Variants in TBPL2 observed in about 807,000 individuals in gnomAD.
TBPL2 encodes TATA box-binding protein-like 2.
TBPL2 carries 40 observed loss-of-function variants against 38.2 expected under a neutral mutation model. That is an observed-to-expected ratio of 1.05 (90% confidence interval 0.81 to 1.36). The LOEUF is 1.36. Ranked by LOEUF, TBPL2 falls within the 40% of genes most tolerant of loss-of-function variation. The pLI, the probability that TBPL2 is intolerant of heterozygous loss-of-function variation, is 0.00. For missense variants in TBPL2, 461 were observed against 456.7 expected (o/e 1.01, Z -0.09); for synonymous variants, 169 against 171.7 (o/e 0.98, Z 0.12).
intron 6 of TBPL2, among the ~76,000 whole-genome samples, chr14:55,415,736 G>C (rs1210327222): frequency 6.6e-6 from 1 of 152,040 alleles, no homozygotes; most frequent in Non-Finnish European, 1.5e-5. Flanking sequence ...CGTGGCGGTG[G>C]GCGTCTGTCA....
chr14:55,437,151 A>G (rs1021980426), intron 1 of TBPL2, 133 bp from the exon 2 acceptor site: 1 of 746,646 alleles, frequency 1.3e-6, no homozygotes, highest in East Asian at 2.5e-5. Context: ...GCTTGTATTC[A>G]TGCACTGCTT....
exon 5 of TBPL2, chr14:55,428,850 T>C (rs1330919644): frequency 6.2e-7 from 1 of 1,614,194 alleles, no homozygotes; most frequent in South Asian, 1.1e-5. Flanking sequence ...TCCAGCCTGA[T>C]GGGAAATCTC....
At chr14:55,434,166 G>A (rs937751069) in intron 3 of TBPL2, among the ~76,000 whole-genome samples, 2 of 152,154 alleles carry the variant, frequency 1.3e-5, no homozygotes, top group African/African-American at 4.8e-5. Context: ...GTATGTTAAA[G>A]GCTCACCAAG....
chr14:55,432,388 G>C (rs1376063215), intron 4 of TBPL2, among the ~76,000 whole-genome samples: 2 of 150,856 alleles, frequency 1.3e-5, no homozygotes, highest in African/African-American at 4.9e-5. Context: ...ACTCCATCCT[G>C]GATAACACAG....
chr14:55,419,912 T>C (rs948164858), intron 6 of TBPL2, among the ~76,000 whole-genome samples: 3 of 152,240 alleles, frequency 2.0e-5, no homozygotes, highest in Admixed American at 6.5e-5. Context: ...ATTGAGATAC[T>C]GCTTTCAGAA....
chr14:55,420,304 C>T (rs1885723535), intron 6 of TBPL2, among the ~76,000 whole-genome samples: 1 of 152,174 alleles, frequency 6.6e-6, no homozygotes, highest in African/African-American at 2.4e-5. Context: ...CTCAGCCTCC[C>T]AAAGTGCTGG....
At chr14:55,433,407 C>T (rs1326830862) in intron 4 of TBPL2, among the ~76,000 whole-genome samples, 1 of 150,656 alleles carries the variant, frequency 6.6e-6, no homozygotes, top group Non-Finnish European at 1.5e-5. Flanking sequence ...CCTGCTTAGG[C>T]CTCCCAAAGT....
intron 6 of TBPL2, among the ~76,000 whole-genome samples, chr14:55,421,211 C>CTTA (rs1453659763): frequency 2.6e-5 from 4 of 152,140 alleles, no homozygotes; most frequent in Non-Finnish European, 5.9e-5. Context: ...ATACATGGCA[C>CTTA]TTATGAAAGT....
intron 4 of TBPL2, among the ~76,000 whole-genome samples, chr14:55,429,277 C>G (rs1026888749): frequency 6.6e-6 from 1 of 152,244 alleles, no homozygotes; most frequent in East Asian, 1.9e-4. Flanking sequence ...CAAGGATTCG[C>G]AAAGTGTGTC....
chr14:55,416,222 A>G (rs1885666415), intron 6 of TBPL2, among the ~76,000 whole-genome samples: 1 of 152,246 alleles, frequency 6.6e-6, no homozygotes, highest in South Asian at 2.1e-4. Context: ...TGTTCACTTT[A>G]AAATGGTTAA....
chr14:55,426,445 G>C (rs1274027101), intron 5 of TBPL2, among the ~76,000 whole-genome samples: 1 of 152,080 alleles, frequency 6.6e-6, no homozygotes, highest in Non-Finnish European at 1.5e-5. Flanking sequence ...GACCTTAGGG[G>C]TTTAACACAA....
At chr14:55,439,082 C>A (rs1412448209) in intron 1 of TBPL2, among the ~76,000 whole-genome samples, 1 of 151,800 alleles carries the variant, frequency 6.6e-6, no homozygotes, top group East Asian at 1.9e-4. Flanking sequence ...GGACTACAGG[C>A]TCCTGCCACC....
chr14:55,427,489 T>C (rs1319643354), intron 5 of TBPL2, among the ~76,000 whole-genome samples: 1 of 152,176 alleles, frequency 6.6e-6, no homozygotes, highest in African/African-American at 2.4e-5. Context: ...CTATCTACTC[T>C]ATTGACGGGA....
chr14:55,434,707 A>G (rs1365125541), intron 3 of TBPL2, among the ~76,000 whole-genome samples: 1 of 152,226 alleles, frequency 6.6e-6, no homozygotes, highest in African/African-American at 2.4e-5. Flanking sequence ...GCTGTATGAA[A>G]TATCAAAAGG....
intron 6 of TBPL2, among the ~76,000 whole-genome samples, chr14:55,420,985 C>T (rs9635231): frequency 0.41 from 60,705 of 149,040 alleles, 14,174 homozygotes; most frequent in East Asian, 0.59. Flanking sequence ...GGCGTGAACC[C>T]GGGAGGCGGA....
At chr14:55,434,177 A>T (rs1219788893) in intron 3 of TBPL2, among the ~76,000 whole-genome samples, 1 of 152,230 alleles carries the variant, frequency 6.6e-6, no homozygotes, top group African/African-American at 2.4e-5. Context: ...GCTCACCAAG[A>T]CTTCAGAATG....
chr14:55,430,398 TAAAAAAAAAAA>T (rs370880582), intron 4 of TBPL2, among the ~76,000 whole-genome samples: 1 of 119,828 alleles, frequency 8.3e-6, no homozygotes, highest in Non-Finnish European at 1.7e-5. Flanking sequence ...TCACCCACTT[TAAAAAAAAAAA>T]AAAAAAAAAA....
chr14:55,420,525 T>C (rs1885726913), intron 6 of TBPL2, among the ~76,000 whole-genome samples: 1 of 152,242 alleles, frequency 6.6e-6, no homozygotes. Context: ...TAATTATTTA[T>C]CATTTCAGTA....
Position 55,429,822 on chromosome 14 carries a change from T to C in TBPL2, c.789-848A>G, listed in dbSNP as rs116860716. On this transcript the variant is annotated intron_variant, in intron 4 of 6. Coordinates refer to ENST00000247219, the Ensembl canonical transcript of TBPL2. ...ACAAGAAAAAATAAGGACACATGCATACAAAAAAAAATCGCATATAAGGAG... is the reference window on the plus strand; with the variant it reads ...ACAAGAAAAAATAAGGACACATGCACACAAAAAAAAATCGCATATAAGGAG... Among the ~76,000 whole-genome samples the C allele has an allele frequency of 4.7e-3, 564 of 119,222 alleles. 2 individuals are homozygous for C. The highest frequency in any genetic ancestry group is 0.01 in the African/African-American group (330 of 31,774). 78.2% of individuals were successfully genotyped at this position (119,222 alleles called of 152,430 possible). A position where few individuals can be genotyped will look rare whatever the true frequency, so the allele number is the denominator to read the frequency against.
Sources: gnomAD v4.1 joint callset for allele counts (sites outside exome capture counted in the v4.1 genomes callset) on GRCh38, gnomAD v4.1.1 for gene constraint, MANE v1.5 for transcripts, NCBI Gene and HGNC (gene_info 2026-07-23, HGNC 2026-07-21) for gene names.